Variants in RAI14 observed in about 807,000 individuals in gnomAD.
RAI14 encodes retinoic acid induced 14, also known as ankycorbin.
Under a neutral mutation model 115.4 loss-of-function variants are expected in RAI14, and 45 were observed. The ratio of observed to expected loss-of-function variants is 0.39; its 90% confidence interval spans 0.31 to 0.50. The LOEUF (loss-of-function observed/expected upper bound fraction) is 0.50. Among genes scored for constraint, RAI14 ranks in the 20% least tolerant of loss-of-function variants. The pLI is 0.85. For synonymous variants in RAI14, 371 were observed against 415.4 expected, an observed-to-expected ratio of 0.89 and a Z score of 1.30; for missense variants, 939 against 1,131.2, an observed-to-expected ratio of 0.83 and a Z score of 2.44.
intron 1 of RAI14, chr5:34,684,984 T>C (rs1446665860): frequency 6.6e-6 from 1 of 150,816 alleles, no homozygotes; most frequent in African/African-American, 2.4e-5. Flanking sequence ...AACTTTCACA[T>C]AGATTATCTT....
At chr5:34,820,256 G>A (rs968094035) in intron 13 of RAI14, among the ~76,000 whole-genome samples, 1 of 152,194 alleles carries the variant, frequency 6.6e-6, no homozygotes, top group African/African-American at 2.4e-5. Context: ...TTTTCAAAGT[G>A]TGGGTAAAGT....
At chr5:34,753,497 G>A (rs1747416493) in intron 2 of RAI14, among the ~76,000 whole-genome samples, 1 of 152,136 alleles carries the variant, frequency 6.6e-6, no homozygotes, top group African/African-American at 2.4e-5. Flanking sequence ...TGGCACTGGA[G>A]CCAGGCACGG....
At chr5:34,798,346 GT>G (rs57789035) in intron 4 of RAI14, among the ~76,000 whole-genome samples, 130 of 119,586 alleles carry the variant, frequency 1.1e-3, no homozygotes, top group African/African-American at 3.3e-3. Flanking sequence ...GCCAGAATAA[GT>G]TTTTTTTTTT....
At chr5:34,751,753 A>T (rs1205756767) in intron 2 of RAI14, among the ~76,000 whole-genome samples, 1 of 152,202 alleles carries the variant, frequency 6.6e-6, no homozygotes, top group Non-Finnish European at 1.5e-5. Context: ...TGCATGTCTT[A>T]TACACAGGTT....
chr5:34,810,708 TTTACACA>T (rs1755479568), intron 7 of RAI14, among the ~76,000 whole-genome samples: 3 of 152,156 alleles, frequency 2.0e-5, no homozygotes, highest in Non-Finnish European at 4.4e-5. Flanking sequence ...GCCTTGAGCC[TTTACACA>T]CTTTGTGTTC....
At chr5:34,785,725 G>T (rs548944248) in intron 3 of RAI14, among the ~76,000 whole-genome samples, 3 of 152,226 alleles carry the variant, frequency 2.0e-5, no homozygotes, top group Admixed American at 2.0e-4. Context: ...CCAATAAGCT[G>T]CTTTGCCTTC....
intron 2 of RAI14, among the ~76,000 whole-genome samples, chr5:34,750,794 C>A (rs1226169285): frequency 6.6e-6 from 1 of 151,438 alleles, no homozygotes; most frequent in Non-Finnish European, 1.5e-5. Context: ...CACACCTTCA[C>A]CCCTAATCAT....
chr5:34,769,391 A>C (rs543758383), intron 3 of RAI14, among the ~76,000 whole-genome samples: 1 of 152,280 alleles, frequency 6.6e-6, no homozygotes, highest in South Asian at 2.1e-4. Context: ...TTTTATAACT[A>C]AAGTTATAAG....
chr5:34,813,425 T>C (rs1026214286), intron 10 of RAI14, 149 bp from the exon 11 acceptor site: 2 of 553,946 alleles, frequency 3.6e-6, no homozygotes, highest in African/African-American at 1.9e-5. Context: ...TATTATTTAT[T>C]TTTATGTTGG....
chr5:34,802,703 G>T (rs1310381530), intron 4 of RAI14, among the ~76,000 whole-genome samples: 1 of 152,170 alleles, frequency 6.6e-6, no homozygotes, highest in African/African-American at 2.4e-5. Context: ...ATAAGTGTGT[G>T]TCTGTATAGA....
At chr5:34,743,804 CG>C (rs1168405614) in intron 2 of RAI14, among the ~76,000 whole-genome samples, 9 of 152,122 alleles carry the variant, frequency 5.9e-5, no homozygotes, top group African/African-American at 2.2e-4. Context: ...GTGTATGGGG[CG>C]GGGGTGCAGA....
At chr5:34,743,564 T>C (rs1375543984) in intron 2 of RAI14, among the ~76,000 whole-genome samples, 6 of 152,198 alleles carry the variant, frequency 3.9e-5, no homozygotes, top group Non-Finnish European at 8.8e-5. Context: ...TGGAGGACAC[T>C]ATTGAACCCC....
chr5:34,781,532 TA>T (rs1751643042), intron 3 of RAI14, among the ~76,000 whole-genome samples: 1 of 152,220 alleles, frequency 6.6e-6, no homozygotes, highest in Admixed American at 6.5e-5. Flanking sequence ...CTAAACGTTT[TA>T]CATCTGGACA....
At chr5:34,656,782 G>GGCGGGGC (rs1296420523) in intron 1 of RAI14, 1 of 153,276 alleles carries the variant, frequency 6.5e-6, no homozygotes, top group Admixed American at 6.5e-5. Flanking sequence ...GGCCGGCTGG[G>GGCGGGGC]GCGGGGCGCG....
chr5:34,811,229 C>A, intron 8 of RAI14, 111 bp downstream of exon 8: 1 of 1,237,828 alleles, frequency 8.1e-7, no homozygotes, highest in South Asian at 1.4e-5. Flanking sequence ...GGATTTTTAA[C>A]TTCTTACCTT....
chr5:34,821,891 C>A, intron 14 of RAI14, 41 bp downstream of exon 14: 1 of 1,145,884 alleles, frequency 8.7e-7, no homozygotes, highest in Non-Finnish European at 1.3e-6. Flanking sequence ...TCTGTAGAGT[C>A]AAGCTCTTGG....
chr5:34,731,079 G>A (rs1305418239), intron 2 of RAI14, among the ~76,000 whole-genome samples: 1 of 152,146 alleles, frequency 6.6e-6, no homozygotes, highest in Admixed American at 6.5e-5. Context: ...GTAAAAGAAA[G>A]CAGGACAAAA....
At chr5:34,780,741 G>A (rs1282141934) in intron 3 of RAI14, among the ~76,000 whole-genome samples, 2 of 152,158 alleles carry the variant, frequency 1.3e-5, no homozygotes, top group East Asian at 3.9e-4. Flanking sequence ...AGAGGATGTG[G>A]AGAAACAGGA....
rs1440983914 is a variant in RAI14 at position 34,686,399 on chromosome 5, T to G, written c.-48-473T>G. ...GATGTTGGTCAAAGGATGCAGCGTT[T>G]CAGTTAAGAGGAATAGATGAAGAGA... On this transcript the variant is annotated intron_variant, in intron 1 of 17. Transcript: ENST00000265109. 3 of 152,120 alleles carry G rather than the reference T, an allele frequency of 2.0e-5. No individual in the cohort carries two copies. In the East Asian group the frequency reaches 5.8e-4, roughly 29 times the overall value. 9.4% of individuals were successfully genotyped at this position (152,120 alleles called of 1,614,324 possible).
Sources: gnomAD v4.1 joint callset for allele counts (sites outside exome capture counted in the v4.1 genomes callset) on GRCh38, gnomAD v4.1.1 for gene constraint, MANE v1.5 for transcripts, NCBI Gene and HGNC (gene_info 2026-07-23, HGNC 2026-07-21) for gene names.